Variants in CD6 observed in about 807,000 individuals in gnomAD.
The protein encoded by CD6 is CD6 molecule.
A neutral mutation model predicts 75.3 loss-of-function variants in CD6; 53 were observed. The observed-to-expected ratio is 0.70, with a 90% CI of 0.56 to 0.88. The LOEUF (loss-of-function observed/expected upper bound fraction) is 0.88. Among genes scored for constraint, CD6 ranks in the 40% least tolerant of loss-of-function variants. The pLI, the probability that CD6 is intolerant of heterozygous loss-of-function variation, is 0.00. For synonymous variants in CD6, 359 were observed against 381.5 expected (o/e 0.94, Z 0.69); for missense variants, 770 against 897.1 (o/e 0.86, Z 1.81).
chr11:60,986,077 G>A (rs566533057), intron 1 of CD6, among the ~76,000 whole-genome samples: 1 of 152,294 alleles, frequency 6.6e-6, no homozygotes, highest in Admixed American at 6.5e-5. Flanking sequence ...CCAAGGTCCT[G>A]GTAATAGCTG....
At chr11:61,004,529 G>C (rs1241025292) in intron 1 of CD6, 4 of 152,270 alleles carry the variant, frequency 2.6e-5, no homozygotes, top group South Asian at 4.1e-4. Flanking sequence ...TCTGCCTGAT[G>C]ATGAAGAGGC....
intron 1 of CD6, among the ~76,000 whole-genome samples, chr11:60,994,425 A>G (rs965748367): frequency 1.9e-5 from 2 of 106,712 alleles, no homozygotes; most frequent in Non-Finnish European, 3.5e-5. Context: ...TGGGCAACAG[A>G]GTGAGACTCA....
At chr11:61,018,940 G>T in intron 12 of CD6, 1 of 373,120 alleles carries the variant, frequency 2.7e-6, no homozygotes, top group Non-Finnish European at 4.8e-6. Context: ...CCTGTCAGTG[G>T]AGGCATTCAA....
chr11:61,014,213 G>T (rs1414747624), intron 8 of CD6, among the ~76,000 whole-genome samples, 199 bp downstream of exon 8: 1 of 152,226 alleles, frequency 6.6e-6, no homozygotes, highest in East Asian at 1.9e-4. Flanking sequence ...TTCCAGTTCA[G>T]TCATGCTAGG....
At chr11:61,012,316 C>T (rs987229076) in intron 6 of CD6, among the ~76,000 whole-genome samples, 1 of 152,176 alleles carries the variant, frequency 6.6e-6, no homozygotes, top group Non-Finnish European at 1.5e-5. Flanking sequence ...ATCCAGGGAC[C>T]ACACCCCGGC....
chr11:61,007,030 T>C lies in CD6; in HGVS notation c.118+388T>C, dbSNP rs756261269. On this transcript the variant is annotated intron_variant, in intron 2 of 12. Transcript: ENST00000313421. This position sits in a 1 kb window ranked among gnomAD's most constrained non-coding sequence, Gnocchi z 4.2. Reference sequence around the variant, plus strand: ...ATCCTGGGCTAAAAGGGGCAGGTGGTTCCCATAGAAGGGGTTCTGGGGAAG... The same window carrying C: ...ATCCTGGGCTAAAAGGGGCAGGTGGCTCCCATAGAAGGGGTTCTGGGGAAG... 1.3e-5 allele frequency among the ~76,000 whole-genome samples: 2 copies of C among 151,864 alleles called. No homozygotes were observed. Among genetic ancestry groups the C allele is most frequent in the Non-Finnish European group, 2.9e-5 (2 of 67,946 alleles).
intron 4 of CD6, 85 bp downstream of exon 4, chr11:61,008,930 A>C: frequency 8.3e-7 from 1 of 1,202,618 alleles, no homozygotes; most frequent in Non-Finnish European, 1.1e-6. Flanking sequence ...TTAGTGCCGG[A>C]GAGGTGGTCC....
At chr11:61,011,202 T>TGTGTGTGA in intron 6 of CD6, 67 bp downstream of exon 6, 1 of 1,334,540 alleles carries the variant, frequency 7.5e-7, no homozygotes, top group Non-Finnish European at 1.1e-6. Flanking sequence ...TGTGTGTGTG[T>TGTGTGTGA]GTTCCTGTGC....
At chr11:60,981,119 A>G (rs544255614) in intron 1 of CD6, among the ~76,000 whole-genome samples, 3 of 152,218 alleles carry the variant, frequency 2.0e-5, no homozygotes, top group Non-Finnish European at 4.4e-5. Context: ...GTACATTTAC[A>G]AGTGTTAGGC....
At chr11:60,987,826 C>G (rs1204251526) in intron 1 of CD6, 1 of 151,920 alleles carries the variant, frequency 6.6e-6, no homozygotes, top group Admixed American at 6.6e-5. Flanking sequence ...TGTTTTTTTT[C>G]CAGAGTACTT....
chr11:60,971,883 G>A lies in CD6; in HGVS notation c.18G>A (p.Gly6=). 1.2e-6 allele frequency: 2 copies of A among 1,613,990 alleles called. No individual in the cohort carries two copies. Among genetic ancestry groups the A allele is most frequent in the Non-Finnish European group, 8.5e-7 (1 of 1,179,990 alleles). The change falls in exon 1 of 13, where the codon GGG becomes GGA. Residue 6 remains glycine, a synonymous_variant. Coordinates refer to ENST00000313421, the MANE Select transcript of CD6 (RefSeq NM_006725.5). The part of the protein sequence containing the change: MWLFF[G]ITGLLTAALS... ...CTCCAGACATGTGGCTCTTCTTCGG[G>A]ATCACTGGATTGCTGACGGCAGCCC... is the stretch of plus-strand genomic sequence containing the variant.
chr11:60,987,854 T>A (rs1056587413), intron 1 of CD6: 1 of 152,170 alleles, frequency 6.6e-6, no homozygotes, highest in Non-Finnish European at 1.5e-5. Flanking sequence ...AGCCCAAGGA[T>A]AGCATTTATA....
chr11:60,990,145 C>T (rs911875742), intron 1 of CD6, among the ~76,000 whole-genome samples: 2 of 152,024 alleles, frequency 1.3e-5, no homozygotes, highest in Non-Finnish European at 2.9e-5. Context: ...TGTTACTAGC[C>T]TCTTGTAGAA....
chr11:60,991,149 C>CTTTTTTTTTTTTTTTTTTTTTTTTTT (rs58123378), intron 1 of CD6, among the ~76,000 whole-genome samples: 7 of 114,714 alleles, frequency 6.1e-5, no homozygotes, highest in East Asian at 2.6e-4. Context: ...CTTTTTCTTT[C>CTTTTTTTTTTTTTTTTTTTTTTTTTT]TTTTTTTTTT....
intron 1 of CD6, among the ~76,000 whole-genome samples, chr11:60,990,352 G>C (rs971329600): frequency 6.6e-6 from 1 of 152,132 alleles, no homozygotes; most frequent in Non-Finnish European, 1.5e-5. Flanking sequence ...AGCCTCCCAA[G>C]TAGCTGGGAC....
intron 1 of CD6, among the ~76,000 whole-genome samples, chr11:60,989,605 C>T (rs1404856687): frequency 3.3e-5 from 5 of 152,160 alleles, no homozygotes; most frequent in Admixed American, 3.3e-4. Context: ...CACGGCAGAG[C>T]GCAGCATGGC....
chr11:60,987,599 G>C (rs1002329116), intron 1 of CD6, among the ~76,000 whole-genome samples: 1 of 151,864 alleles, frequency 6.6e-6, no homozygotes, highest in Non-Finnish European at 1.5e-5. Flanking sequence ...TGGTGGGGGG[G>C]TATGGAGAAA....
At chr11:60,999,170 G>A (rs1248572224) in intron 1 of CD6, among the ~76,000 whole-genome samples, 1 of 151,878 alleles carries the variant, frequency 6.6e-6, no homozygotes, top group Non-Finnish European at 1.5e-5. Context: ...GAAAGAAAGA[G>A]CAAGAAGGAA....
chr11:61,007,755 CG>C lies in CD6; in HGVS notation c.315del (p.Pro107ArgfsTer9). The C allele has an allele frequency of 6.9e-7, 1 of 1,450,134 alleles. No homozygotes were observed. Among genetic ancestry groups the C allele is most frequent in the Non-Finnish European group, 9.1e-7 (1 of 1,099,798 alleles). 89.8% of individuals were successfully genotyped at this position (1,450,134 alleles called of 1,614,324 possible). A position where few individuals can be genotyped will look rare whatever the true frequency, so the allele number is the denominator to read the frequency against. ...CTCGCCCCGCCGACCCCTGAGCTGC[CG>C]CCCCCGCCTGCAGCCGGGAACACCA... ...SQLAPPTPEL[P>X]PPPAAGNTSV... On this transcript the variant is annotated frameshift_variant, in exon 3 of 13. Coordinates refer to ENST00000313421, the MANE Select transcript of CD6 (RefSeq NM_006725.5). LOFTEE classifies it high-confidence loss of function. This position sits in a 1 kb window ranked among gnomAD's most constrained non-coding sequence, Gnocchi z 4.2.
Sources: allele counts gnomAD v4.1 joint callset (sites outside exome capture counted in the v4.1 genomes callset), GRCh38; gene constraint gnomAD v4.1.1; non-coding constraint Gnocchi (gnomAD v3.1); transcripts MANE v1.5; gene names NCBI Gene and HGNC (gene_info 2026-07-23, HGNC 2026-07-21).